Variants in NPAS3 observed in about 807,000 individuals in gnomAD.
NPAS3 encodes the protein neuronal PAS domain protein 3, also known as neuronal PAS domain-containing protein 3.
In NPAS3, 14 loss-of-function variants were observed where a neutral mutation model predicts 73.1. The observed-to-expected ratio is 0.19, with a 90% CI of 0.13 to 0.30. The LOEUF (loss-of-function observed/expected upper bound fraction) is 0.30. Among genes scored for constraint, NPAS3 ranks in the 10% least tolerant of loss-of-function variants. NPAS3 has a pLI of 1.00. For missense variants in NPAS3, 1,096 were observed against 1,250.0 expected (o/e 0.88, Z 1.86); for synonymous variants, 620 against 541.5 (o/e 1.14, Z -2.01).
chr14:33,457,730 G>A (rs1255395388), intron 4 of NPAS3, among the ~76,000 whole-genome samples: 3 of 152,098 alleles, frequency 2.0e-5, no homozygotes, highest in South Asian at 2.1e-4. Context: ...ATCCCTCGCT[G>A]TAGCCTTGCC....
chr14:33,545,300 G>A (rs753822351), intron 4 of NPAS3, among the ~76,000 whole-genome samples: 4 of 151,880 alleles, frequency 2.6e-5, no homozygotes, highest in Admixed American at 1.3e-4. Context: ...TTCTCCTTAC[G>A]AGTAGATAAA....
intron 3 of NPAS3, among the ~76,000 whole-genome samples, chr14:33,259,946 G>A (rs949892177): frequency 4.6e-5 from 7 of 151,798 alleles, no homozygotes; most frequent in Admixed American, 1.3e-4. Flanking sequence ...GAGAGCCAAA[G>A]AGGAGGAAAC....
chr14:33,199,629 T>TCTTTCCTCCTTACCTTC (rs144751710), intron 2 of NPAS3, among the ~76,000 whole-genome samples: 1 of 151,488 alleles, frequency 6.6e-6, no homozygotes, highest in African/African-American at 2.4e-5. Flanking sequence ...TGTATCTGTT[T>TCTTTCCTCCTTACCTTC]CTTTCCTCCT....
chr14:33,763,254 G>A (rs904338376), intron 7 of NPAS3, among the ~76,000 whole-genome samples: 4 of 152,178 alleles, frequency 2.6e-5, no homozygotes, highest in East Asian at 1.9e-4. Context: ...GAGACATTTC[G>A]AGAGGCATAT....
intron 6 of NPAS3, among the ~76,000 whole-genome samples, chr14:33,724,178 A>G (rs1411164480): frequency 1.3e-5 from 2 of 152,208 alleles, no homozygotes; most frequent in Non-Finnish European, 2.9e-5. Flanking sequence ...TGCAAGAAAT[A>G]TGTCAGAGTT....
intron 4 of NPAS3, among the ~76,000 whole-genome samples, chr14:33,458,862 A>G (rs577153723): frequency 2.0e-5 from 3 of 152,350 alleles, no homozygotes; most frequent in South Asian, 2.1e-4. Context: ...CCAGACCCCA[A>G]GAGAGGGTTC....
chr14:33,074,564 A>G (rs962194130), intron 2 of NPAS3, among the ~76,000 whole-genome samples: 1 of 152,022 alleles, frequency 6.6e-6, no homozygotes, highest in Non-Finnish European at 1.5e-5. Context: ...TTACAGGTGC[A>G]TGCCACCATG....
intron 2 of NPAS3, among the ~76,000 whole-genome samples, chr14:33,130,649 GA>G (rs542738615): frequency 4.5e-4 from 69 of 152,230 alleles, no homozygotes; most frequent in African/African-American, 1.6e-3. Context: ...GTGAATGGGG[GA>G]AATGCAATTA....
At chr14:32,978,440 G>GGTA (rs1264676512) in intron 1 of NPAS3, among the ~76,000 whole-genome samples, 1 of 152,144 alleles carries the variant, frequency 6.6e-6, no homozygotes, top group Non-Finnish European at 1.5e-5. Flanking sequence ...TCTGCAAAAT[G>GGTA]GTAGTACTGG....
intron 4 of NPAS3, among the ~76,000 whole-genome samples, chr14:33,465,289 T>C (rs2050454957): frequency 6.6e-6 from 1 of 152,216 alleles, no homozygotes; most frequent in African/African-American, 2.4e-5. Flanking sequence ...TACATTAAAG[T>C]ATTTTAAACA....
chr14:33,570,047 G>T (rs189979843), intron 5 of NPAS3, among the ~76,000 whole-genome samples: 1 of 152,280 alleles, frequency 6.6e-6, no homozygotes, highest in Non-Finnish European at 1.5e-5. Context: ...CCTTTAAGTG[G>T]TGAGTTCCTT....
At chr14:33,781,006 C>A (rs538754173) in intron 9 of NPAS3, 1 of 170,300 alleles carries the variant, frequency 5.9e-6, no homozygotes, top group South Asian at 1.4e-4. Flanking sequence ...TAACCTTAAA[C>A]ACATGAAAAA....
rs115589434 is a variant in NPAS3, at chr14:33,558,637, T to C, written c.469-1484T>C. Among the ~76,000 whole-genome samples the C allele has an allele frequency of 7.4e-3, 1,126 of 151,384 alleles. 15 individuals are homozygous for C. Among genetic ancestry groups the C allele is most frequent in the African/African-American group, 0.026 (1,054 of 41,292 alleles). On this transcript the variant is annotated intron_variant, in intron 4 of 11. Transcript: ENST00000356141. ...CTGTATGCATACATATATATACACA[T>C]ATATATATAAGAATATATATAATAT...
At chr14:33,662,290 T>C (rs554926173) in intron 5 of NPAS3, among the ~76,000 whole-genome samples, 20 of 152,334 alleles carry the variant, frequency 1.3e-4, no homozygotes, top group Admixed American at 1.1e-3. Flanking sequence ...ATACTCTTCA[T>C]CTTGAGCTCT....
chr14:32,949,664 G>A (rs1208346496), intron 1 of NPAS3, among the ~76,000 whole-genome samples: 1 of 151,844 alleles, frequency 6.6e-6, no homozygotes, highest in Non-Finnish European at 1.5e-5. Flanking sequence ...TTACTGGCAG[G>A]TTAGGGCAGT....
intron 5 of NPAS3, among the ~76,000 whole-genome samples, chr14:33,654,778 C>G (rs1215892797): frequency 6.6e-6 from 1 of 152,160 alleles, no homozygotes; most frequent in Non-Finnish European, 1.5e-5. Flanking sequence ...GTTTGACCCT[C>G]ACTTCAAAAA....
In NPAS3 at chr14:33,004,391, A is replaced by T. The variant is rs1331152206; in HGVS notation, c.51-51514A>T. On this transcript the variant is annotated intron_variant, in intron 1 of 11. Coordinates refer to ENST00000356141, the Ensembl canonical transcript of NPAS3. ...TGAATATTGTAGGCAGTTGTAACAC[A>T]ATGATAAGTATTTGTGTATCTAAAC... Among the ~76,000 whole-genome samples, 3 of 152,198 alleles carry T rather than the reference A, an allele frequency of 2.0e-5. No homozygotes were observed. The East Asian group carries it at 5.8e-4, about 29-fold the overall frequency.
At chr14:33,555,889 G>GGTGTGTGTGT (rs142802411) in intron 4 of NPAS3, among the ~76,000 whole-genome samples, 33 of 148,578 alleles carry the variant, frequency 2.2e-4, no homozygotes, top group African/African-American at 7.7e-4. Flanking sequence ...AATTGTTGTT[G>GGTGTGTGTGT]GTGTGTCTGT....
At chr14:32,961,476 G>C (rs1479357243) in intron 1 of NPAS3, among the ~76,000 whole-genome samples, 1 of 151,148 alleles carries the variant, frequency 6.6e-6, no homozygotes. Context: ...ACCTTATATT[G>C]GTCCTGCTGT....
Sources: gnomAD v4.1 joint callset for allele counts (sites outside exome capture counted in the v4.1 genomes callset) on GRCh38, gnomAD v4.1.1 for gene constraint, MANE v1.5 for transcripts, NCBI Gene and HGNC (gene_info 2026-07-23, HGNC 2026-07-21) for gene names.